The following PEX5L variants were observed in gnomAD, a reference collection of about 807,000 sequenced individuals.
The protein encoded by PEX5L is PEX5-related protein.
A neutral mutation model predicts 84.0 loss-of-function variants in PEX5L; 30 were observed. That is an observed-to-expected ratio of 0.36 (90% CI 0.27 to 0.48). PEX5L has a LOEUF of 0.48. Ranked by LOEUF, PEX5L falls within the 20% of genes least tolerant of loss-of-function variation. The pLI is 0.99. For missense variants in PEX5L, 533 were observed against 754.6 expected (o/e 0.71, Z 3.44); for synonymous variants, 270 against 283.1 (o/e 0.95, Z 0.46).
chr3:179,877,485 G>A (rs1450560662), intron 5 of PEX5L, among the ~76,000 whole-genome samples: 2 of 151,962 alleles, frequency 1.3e-5, no homozygotes, highest in African/African-American at 4.8e-5. Context: ...TTAAGACAAG[G>A]TCTCACTCTG....
chr3:179,918,813 T>C (rs528133432), intron 2 of PEX5L, among the ~76,000 whole-genome samples: 34 of 152,212 alleles, frequency 2.2e-4, no homozygotes, highest in Non-Finnish European at 4.7e-4. Flanking sequence ...ACCATGAATT[T>C]TCAATGGTAT....
At chr3:179,901,663 A>G (rs889224650) in intron 2 of PEX5L, among the ~76,000 whole-genome samples, 1 of 152,226 alleles carries the variant, frequency 6.6e-6, no homozygotes, top group Non-Finnish European at 1.5e-5. Flanking sequence ...CAATAACAAC[A>G]TTAAGGGGAA....
chr3:179,959,450 T>C (rs1018127902), intron 2 of PEX5L, among the ~76,000 whole-genome samples: 2 of 152,206 alleles, frequency 1.3e-5, no homozygotes, highest in African/African-American at 4.8e-5. Flanking sequence ...GCCGTGACTA[T>C]GGTTATGTTA....
chr3:180,017,958 A>G (rs1371376174), intron 1 of PEX5L, among the ~76,000 whole-genome samples: 1 of 152,140 alleles, frequency 6.6e-6, no homozygotes, highest in Admixed American at 6.6e-5. Context: ...GAAGAGATCT[A>G]TTTCTTATTC....
chr3:180,011,812 C>A (rs572081013), intron 1 of PEX5L, among the ~76,000 whole-genome samples: 1 of 152,142 alleles, frequency 6.6e-6, no homozygotes, highest in Non-Finnish European at 1.5e-5. Flanking sequence ...GGACAACAGA[C>A]CACATTTAAA....
chr3:179,908,932 T>C (rs187332314), intron 2 of PEX5L, among the ~76,000 whole-genome samples: 22 of 152,200 alleles, frequency 1.4e-4, no homozygotes, highest in Non-Finnish European at 4.4e-5. Flanking sequence ...GTCTACTTCA[T>C]AGATTTTTGA....
At chr3:179,833,716 G>A (rs1055127859) in intron 8 of PEX5L, among the ~76,000 whole-genome samples, 7 of 151,440 alleles carry the variant, frequency 4.6e-5, no homozygotes, top group African/African-American at 1.5e-4. Context: ...CCAAAAGAAC[G>A]AAAAAAGAAA....
At chr3:179,996,984 G>T (rs764250522) in intron 1 of PEX5L, among the ~76,000 whole-genome samples, 5 of 152,134 alleles carry the variant, frequency 3.3e-5, no homozygotes, top group Admixed American at 6.5e-5. Flanking sequence ...ATGGACAAAA[G>T]ACTAATTTGA....
At chr3:180,030,365 C>T (rs532082247) in intron 1 of PEX5L, among the ~76,000 whole-genome samples, 1 of 152,198 alleles carries the variant, frequency 6.6e-6, no homozygotes, top group Admixed American at 6.5e-5. Context: ...AAACTGGGTG[C>T]TAGATCCGGT....
chr3:179,963,551 T>C (rs1447373254), intron 2 of PEX5L, among the ~76,000 whole-genome samples: 1 of 152,152 alleles, frequency 6.6e-6, no homozygotes, highest in Non-Finnish European at 1.5e-5. Flanking sequence ...TCCTGGATCT[T>C]AGAGACTCAT....
chr3:179,813,412 A>C (rs1020656175), intron 10 of PEX5L, among the ~76,000 whole-genome samples: 2 of 152,228 alleles, frequency 1.3e-5, no homozygotes, highest in Admixed American at 6.5e-5. Flanking sequence ...CATAGCATTT[A>C]TGTAAGATGA....
intron 7 of PEX5L, among the ~76,000 whole-genome samples, chr3:179,859,969 A>G (rs1281463337): frequency 6.6e-6 from 1 of 152,198 alleles, no homozygotes; most frequent in African/African-American, 2.4e-5. Flanking sequence ...GGACCACTAG[A>G]CCTTTTTCTC....
intron 8 of PEX5L, among the ~76,000 whole-genome samples, chr3:179,845,123 G>T (rs1168849786): frequency 6.6e-6 from 1 of 152,158 alleles, no homozygotes; most frequent in African/African-American, 2.4e-5. Flanking sequence ...GAAGGACAGG[G>T]ATTCACCCCT....
At chr3:179,964,056 C>T (rs565466888) in intron 2 of PEX5L, among the ~76,000 whole-genome samples, 1 of 152,078 alleles carries the variant, frequency 6.6e-6, no homozygotes, top group African/African-American at 2.4e-5. Flanking sequence ...ATTTCATTAT[C>T]CATTAATTCA....
intron 8 of PEX5L, among the ~76,000 whole-genome samples, chr3:179,823,383 A>T (rs939353859): frequency 1.3e-5 from 2 of 152,196 alleles, no homozygotes; most frequent in African/African-American, 4.8e-5. Flanking sequence ...TTCTTGAGTT[A>T]TAATGTTTCT....
intron 2 of PEX5L, among the ~76,000 whole-genome samples, chr3:179,960,796 G>T (rs1217942137): frequency 6.6e-6 from 1 of 152,038 alleles, no homozygotes; most frequent in African/African-American, 2.4e-5. Flanking sequence ...ATGCAACATA[G>T]CTCATTTTTT....
At chr3:179,843,480 G>T (rs1229472939) in intron 8 of PEX5L, among the ~76,000 whole-genome samples, 1 of 152,242 alleles carries the variant, frequency 6.6e-6, no homozygotes, top group African/African-American at 2.4e-5. Context: ...TTCTAAGACT[G>T]CTGGGGCAGC....
intron 14 of PEX5L, among the ~76,000 whole-genome samples, chr3:179,806,401 A>G (rs1195097620): frequency 6.6e-6 from 1 of 152,218 alleles, no homozygotes. Context: ...GCCGCTTGGT[A>G]AGGAGTCATT....
intron 1 of PEX5L, among the ~76,000 whole-genome samples, chr3:180,025,884 A>T (rs1403891643): frequency 1.3e-5 from 2 of 152,166 alleles, no homozygotes; most frequent in African/African-American, 4.8e-5. Flanking sequence ...TCATTATCTC[A>T]TCTAGTCCTT....
Sources: allele counts gnomAD v4.1 joint callset (sites outside exome capture counted in the v4.1 genomes callset), GRCh38; gene constraint gnomAD v4.1.1; transcripts MANE v1.5; gene names NCBI Gene and HGNC (gene_info 2026-07-23, HGNC 2026-07-21).